Variants in ABCC1 observed in about 807,000 individuals in gnomAD.
ABCC1 encodes the protein multidrug resistance-associated protein 1.
In ABCC1, 83 loss-of-function variants were observed where a neutral mutation model predicts 172.9. The ratio of observed to expected loss-of-function variants is 0.48; its 90% CI spans 0.40 to 0.58. The LOEUF is 0.58. Ranked by LOEUF, ABCC1 falls within the 20% of genes least tolerant of loss-of-function variation. The pLI, the probability that ABCC1 is intolerant of heterozygous loss-of-function variation, is 0.00. For synonymous variants in ABCC1, 937 were observed against 825.2 expected, an observed-to-expected ratio of 1.14 and a Z score of -2.32; for missense variants, 1,817 against 2,002.7, an observed-to-expected ratio of 0.91 and a Z score of 1.77.
At chr16:15,952,645 G>C (rs2045899107) in intron 1 of ABCC1, among the ~76,000 whole-genome samples, 1 of 150,142 alleles carries the variant, frequency 6.7e-6, no homozygotes, top group African/African-American at 2.5e-5. Flanking sequence ...GGACTGGTAG[G>C]AGGCGCTGCT....
chr16:15,953,849 C>T (rs754699010), intron 1 of ABCC1, among the ~76,000 whole-genome samples: 1 of 152,094 alleles, frequency 6.6e-6, no homozygotes, highest in African/African-American at 2.4e-5. Flanking sequence ...GGGGCTAGGT[C>T]TGGGCCTTGG....
chr16:16,105,998 T>A (rs936236495), intron 20 of ABCC1, among the ~76,000 whole-genome samples: 5 of 150,398 alleles, frequency 3.3e-5, no homozygotes, highest in African/African-American at 4.9e-5. Context: ...TGCCTCAACC[T>A]CCCAAGTAGT....
intron 13 of ABCC1, among the ~76,000 whole-genome samples, chr16:16,070,633 C>G (rs2050310886): frequency 6.6e-6 from 1 of 152,174 alleles, no homozygotes; most frequent in Non-Finnish European, 1.5e-5. Flanking sequence ...CCACTGCACT[C>G]CAGCCTGGGT....
At chr16:16,138,648 T>A in intron 30 of ABCC1, 90 bp downstream of exon 30, 1 of 1,094,242 alleles carries the variant, frequency 9.1e-7, no homozygotes, top group Non-Finnish European at 1.2e-6. Flanking sequence ...TTCAACACTG[T>A]CCTTATCCCT....
chr16:16,044,591 A>G lies in ABCC1; in HGVS notation c.951A>G (p.Leu317=). 6.2e-7 allele frequency: 1 copy of G among 1,614,154 alleles called. No homozygotes were observed. Among genetic ancestry groups the G allele is most frequent in the Non-Finnish European group, 8.5e-7 (1 of 1,180,020 alleles). The change falls in exon 8 of 31, where the codon TTA becomes TTG. Residue 317 remains leucine, a synonymous_variant. Transcript: ENST00000399410. ...GGAACCCCTCTCTGTTTAAGGTGTT[A>G]TACAAGACCTTTGGGCCCTACTTCC... ...KEWNPSLFKV[L]YKTFGPYFLM...
chr16:16,058,231 A>G (rs1485909381), intron 12 of ABCC1, among the ~76,000 whole-genome samples: 1 of 152,208 alleles, frequency 6.6e-6, no homozygotes, highest in African/African-American at 2.4e-5. Flanking sequence ...CTTTTTAAGC[A>G]CAGTTAAAAA....
chr16:16,050,772 G>C (rs1387456643), intron 10 of ABCC1, among the ~76,000 whole-genome samples: 2 of 150,198 alleles, frequency 1.3e-5, no homozygotes, highest in African/African-American at 4.9e-5. Flanking sequence ...GCATGGTGGT[G>C]CCTACCTGTG....
At chr16:15,987,286 G>A (rs1340966271) in intron 1 of ABCC1, among the ~76,000 whole-genome samples, 1 of 152,214 alleles carries the variant, frequency 6.6e-6, no homozygotes, top group African/African-American at 2.4e-5. Flanking sequence ...GTGCTTATTT[G>A]CATAATGTTA....
intron 1 of ABCC1, among the ~76,000 whole-genome samples, chr16:15,984,197 A>G (rs2046693275): frequency 6.6e-6 from 1 of 152,216 alleles, no homozygotes; most frequent in Non-Finnish European, 1.5e-5. Flanking sequence ...GGATGCTTGC[A>G]GAAGGACATA....
rs774093990 is a variant in ABCC1 at position 16,014,648 on chromosome 16, C to G, written c.489+20C>G. The stretch of plus-strand genomic sequence containing the variant: ...AAAGAGGTAAGTGGCAGTCTCCTTC[C>G]TCATCTTCCTTCAGTGGACCCGGAG... On this transcript the variant is annotated intron_variant, in intron 4 of 30. Transcript: ENST00000399410. The G allele has an allele frequency of 1.2e-6, 2 of 1,612,358 alleles. No homozygotes were observed. Among genetic ancestry groups the G allele is most frequent in the Non-Finnish European group, 1.7e-6 (2 of 1,179,370 alleles).
chr16:16,103,497 T>A (rs940242049), intron 20 of ABCC1, among the ~76,000 whole-genome samples: 4 of 152,102 alleles, frequency 2.6e-5, no homozygotes, highest in African/African-American at 9.7e-5. Context: ...CGAGAATCGC[T>A]TGAACCCAGG....
chr16:15,958,634 C>G (rs2046058474), intron 1 of ABCC1, among the ~76,000 whole-genome samples: 1 of 152,168 alleles, frequency 6.6e-6, no homozygotes, highest in African/African-American at 2.4e-5. Context: ...CTCGTGAAAA[C>G]TTGCCCAAAC....
chr16:16,035,199 C>T (rs1247686465), intron 6 of ABCC1, among the ~76,000 whole-genome samples: 5 of 151,986 alleles, frequency 3.3e-5, no homozygotes, highest in Middle Eastern at 3.2e-3. Flanking sequence ...GTCAGGAGTT[C>T]GAGACCAGCC....
Position 16,141,267 on chromosome 16 carries a change from G to A in ABCC1, c.4582G>A (p.Ala1528Thr), listed in dbSNP as rs377013600. The A allele has an allele frequency of 6.5e-5, 105 of 1,613,808 alleles. No homozygotes were observed. The highest frequency in any genetic ancestry group is 8.4e-5 in the Non-Finnish European group (99 of 1,180,014). Reference sequence around the variant, plus strand: ...TCTTTTCTACAGCATGGCCAAAGACGCCGGCTTGGTGTGAGCCCCAGAGCT... The same window carrying A: ...TCTTTTCTACAGCATGGCCAAAGACACCGGCTTGGTGTGAGCCCCAGAGCT... ...RGLFYSMAKDAGLV is the reference protein window; with the variant it reads ...RGLFYSMAKDTGLV Residue 1528 changes from alanine to threonine, a missense_variant, in exon 31 of 31, where the codon GCC becomes ACC. Around this residue, in one of 3 missense-constraint regions of ABCC1, gnomAD observed 1,412 missense variants for 1,600.3 expected, o/e 0.88. Transcript: ENST00000399410.
intron 1 of ABCC1, among the ~76,000 whole-genome samples, chr16:15,957,272 G>A (rs2046019962): frequency 7.0e-6 from 1 of 142,186 alleles, no homozygotes; most frequent in Non-Finnish European, 1.5e-5. Context: ...TTTTTGTAGA[G>A]ATAGGGTTTT....
chr16:16,134,622 GTTCTT>G, intron 28 of ABCC1, 114 bp downstream of exon 28: 55 of 574,696 alleles, frequency 9.6e-5, no homozygotes, highest in Middle Eastern at 5.1e-4. Flanking sequence ...CTACTTCATC[GTTCTT>G]TTTTTTTTTT....
At chr16:16,071,396 C>A (rs1395661675) in intron 13 of ABCC1, among the ~76,000 whole-genome samples, 2 of 152,008 alleles carry the variant, frequency 1.3e-5, no homozygotes, top group Non-Finnish European at 2.9e-5. Context: ...CCGTGCCCAG[C>A]CATTCGCCCA....
chr16:15,962,342 C>T (rs2046152226), intron 1 of ABCC1, among the ~76,000 whole-genome samples: 1 of 152,148 alleles, frequency 6.6e-6, no homozygotes, highest in East Asian at 1.9e-4. Flanking sequence ...ATAGTCTCAC[C>T]ATGCTAATGT....
In ABCC1 at chr16:16,014,472, C is replaced by G; in HGVS notation, c.352-19C>G. The G allele has an allele frequency of 6.2e-7, 1 of 1,612,392 alleles. No individual in the cohort carries two copies. ...CAAAAAAAAACCCAACAACTCCTGT[C>G]TTGTGCTTCTCTCCTCAGCTGCTTG... is the stretch of plus-strand genomic sequence containing the variant. On this transcript the variant is annotated intron_variant, in intron 3 of 30. Transcript: ENST00000399410.
Sources: gnomAD v4.1 joint callset for allele counts (sites outside exome capture counted in the v4.1 genomes callset) on GRCh38, gnomAD v4.1.1 for gene constraint, gnomAD v4.1.1 regional missense constraint, MANE v1.5 for transcripts, NCBI Gene and HGNC (gene_info 2026-07-23, HGNC 2026-07-21) for gene names.